Variants in TTLL5 observed in about 807,000 individuals in gnomAD.
TTLL5 encodes the protein tubulin polyglutamylase TTLL5.
TTLL5 carries 132 observed loss-of-function variants against 168.4 expected under a neutral mutation model. That is an observed-to-expected ratio of 0.78 (90% CI 0.68 to 0.91). The LOEUF (loss-of-function observed/expected upper bound fraction) is 0.91. Ranked by LOEUF, TTLL5 falls within the 40% of genes least tolerant of loss-of-function variation. TTLL5 has a pLI of 0.00. For synonymous variants in TTLL5, 546 were observed against 558.6 expected (o/e 0.98, Z 0.32); for missense variants, 1,545 against 1,581.5 (o/e 0.98, Z 0.39).
At chr14:75,752,801 C>T (rs1023969068) in intron 17 of TTLL5, 92 bp from the exon 18 acceptor site, 4 of 1,174,902 alleles carry the variant, frequency 3.4e-6, no homozygotes, top group Non-Finnish European at 5.0e-6. Flanking sequence ...ATAAGTACCC[C>T]TGTTATTTCT....
At chr14:75,831,875 T>C (rs778549337) in intron 28 of TTLL5, among the ~76,000 whole-genome samples, 20 of 152,334 alleles carry the variant, frequency 1.3e-4, no homozygotes, top group Non-Finnish European at 2.4e-4. Context: ...TTTTGGCTTT[T>C]GGCTTTTGCT....
chr14:75,732,911 T>A (rs1006339524), intron 13 of TTLL5, among the ~76,000 whole-genome samples: 4 of 152,232 alleles, frequency 2.6e-5, no homozygotes, highest in Non-Finnish European at 5.9e-5. Context: ...AAAATCTTTT[T>A]TTTACTAACC....
intron 31 of TTLL5, among the ~76,000 whole-genome samples, chr14:75,920,310 A>G (rs1349775109): frequency 6.6e-6 from 1 of 152,160 alleles, no homozygotes; most frequent in Non-Finnish European, 1.5e-5. Context: ...ACAAGTGCAC[A>G]ACGTGTAGGT....
chr14:75,682,207 CA>C (rs1884677305), intron 4 of TTLL5, among the ~76,000 whole-genome samples: 1 of 138,548 alleles, frequency 7.2e-6, no homozygotes, highest in African/African-American at 2.6e-5. Flanking sequence ...AAAAAAAAAA[CA>C]AACCCAAAAG....
At chr14:75,860,334 A>G (rs1390409065) in intron 28 of TTLL5, among the ~76,000 whole-genome samples, 1 of 152,254 alleles carries the variant, frequency 6.6e-6, no homozygotes, top group Non-Finnish European at 1.5e-5. Context: ...ACAAGAAGGC[A>G]TTAAAGTGAA....
At chr14:75,714,051 C>T (rs1400824191) in intron 9 of TTLL5, among the ~76,000 whole-genome samples, 1 of 151,812 alleles carries the variant, frequency 6.6e-6, no homozygotes, top group African/African-American at 2.4e-5. Flanking sequence ...GAAACAGTTC[C>T]TTAGTCTTTC....
chr14:75,740,557 G>A (rs1889194625), intron 15 of TTLL5, among the ~76,000 whole-genome samples: 1 of 152,068 alleles, frequency 6.6e-6, no homozygotes, highest in East Asian at 1.9e-4. Context: ...CAGACCTGCT[G>A]GCTTACATTT....
At chr14:75,754,418 A>G (rs929962843) in intron 18 of TTLL5, among the ~76,000 whole-genome samples, 4 of 152,178 alleles carry the variant, frequency 2.6e-5, no homozygotes, top group African/African-American at 7.2e-5. Context: ...AGAAGTAATG[A>G]ACTGTTTGCT....
chr14:75,667,060 C>T (rs1467240481), intron 2 of TTLL5, among the ~76,000 whole-genome samples: 3 of 151,618 alleles, frequency 2.0e-5, no homozygotes, highest in Admixed American at 6.6e-5. Flanking sequence ...TCGCATATTC[C>T]TTAAGTGCTT....
Position 75,681,578 on chromosome 14 carries a change from C to T in TTLL5, c.215C>T (p.Thr72Met), listed in dbSNP as rs145135000. The change falls in exon 4 of 32, where the codon ACG becomes ATG. Residue 72 changes from threonine to methionine, a missense_variant. Thr to Met is a moderately conservative substitution (Grantham distance 81). Transcript: ENST00000298832. ...RYHLSYKIVR[T>M]DSRLVRSILT... The stretch of plus-strand genomic sequence containing the variant: ...CATTTGTCTTATAAGATTGTACGAA[C>T]GGACAGTCGCCTAGTACGCAGCATT... The T allele has an allele frequency of 6.2e-6, 10 of 1,613,318 alleles. No individual in the cohort carries two copies. Among genetic ancestry groups the T allele is most frequent in the South Asian group, 4.4e-5 (4 of 91,074 alleles).
intron 12 of TTLL5, among the ~76,000 whole-genome samples, chr14:75,723,861 A>G (rs1888002640): frequency 6.6e-6 from 1 of 152,080 alleles, no homozygotes; most frequent in African/African-American, 2.4e-5. Context: ...TTGTGGTTCT[A>G]ATTCCACTTC....
intron 6 of TTLL5, among the ~76,000 whole-genome samples, chr14:75,697,101 T>G (rs973316449): frequency 6.6e-6 from 1 of 152,214 alleles, no homozygotes; most frequent in Non-Finnish European, 1.5e-5. Flanking sequence ...TCAGTGTTCA[T>G]ACATAAAATT....
At chr14:75,912,777 T>C (rs1449700188) in intron 31 of TTLL5, among the ~76,000 whole-genome samples, 1 of 152,202 alleles carries the variant, frequency 6.6e-6, no homozygotes, top group Non-Finnish European at 1.5e-5. Context: ...TAATGAACTA[T>C]TAAAAAATAG....
At chr14:75,907,000 A>T (rs951640671) in intron 31 of TTLL5, among the ~76,000 whole-genome samples, 5 of 152,240 alleles carry the variant, frequency 3.3e-5, no homozygotes, top group African/African-American at 1.2e-4. Flanking sequence ...GAGTTATCAC[A>T]AAGTATAACA....
intron 5 of TTLL5, chr14:75,684,785 A>T (rs1296616806): frequency 6.6e-6 from 1 of 152,240 alleles, no homozygotes; most frequent in African/African-American, 2.4e-5. Context: ...GTGGGAAATG[A>T]AAGAATTAAA....
In TTLL5 at chr14:75,920,903, T is replaced by A. The variant is rs751629628; in HGVS notation, c.3823+18679T>A. On this transcript the variant is annotated intron_variant, in intron 31 of 31. Transcript: ENST00000298832. ...CAGCATCTGTTGTTTCTTGACTTTTTAATGATTGCCATTCTAATTGACATG... is the reference window on the plus strand; with the variant it reads ...CAGCATCTGTTGTTTCTTGACTTTTAAATGATTGCCATTCTAATTGACATG... Among the ~76,000 whole-genome samples the A allele has an allele frequency of 2.0e-5, 3 of 152,374 alleles. No homozygotes were observed. The East Asian group carries it at 5.8e-4, about 29-fold the overall frequency.
chr14:75,902,970 A>T (rs990783268), intron 31 of TTLL5, among the ~76,000 whole-genome samples: 1 of 152,182 alleles, frequency 6.6e-6, no homozygotes, highest in Admixed American at 6.5e-5. Context: ...ATGTGCTGCA[A>T]AGTGGGTATT....
rs10143864 is a variant in TTLL5, at chr14:75,832,422, G to A, written c.3326+12261G>A. Among the ~76,000 whole-genome samples the A allele has an allele frequency of 6.6e-3, 1,012 of 152,256 alleles. 12 individuals are homozygous for A. The highest frequency in any genetic ancestry group is 0.024 in the African/African-American group (978 of 41,546). On this transcript the variant is annotated intron_variant, in intron 28 of 31. Transcript: ENST00000298832. ...AGTTTAGTGTATGTTCTTTTGTGTA[G>A]TTAACTGTCTTTTCTTTCTTTCCTG...
At chr14:75,925,414 CGGG>C (rs1395116714) in intron 31 of TTLL5, among the ~76,000 whole-genome samples, 1 of 15,912 alleles carries the variant, frequency 6.3e-5, no homozygotes, top group Non-Finnish European at 1.1e-4. Flanking sequence ...ACATCCCAGA[CGGG>C]GCGGCGGGGC....
Sources: allele counts gnomAD v4.1 joint callset (sites outside exome capture counted in the v4.1 genomes callset), GRCh38; gene constraint gnomAD v4.1.1; transcripts MANE v1.5; gene names NCBI Gene and HGNC (gene_info 2026-07-23, HGNC 2026-07-21).